The following PCDH15 variants were observed in gnomAD, a reference collection of about 807,000 sequenced individuals.
The protein encoded by PCDH15 is protocadherin related 15.
In PCDH15, 129 loss-of-function variants were observed where a neutral mutation model predicts 178.5. The ratio of observed to expected loss-of-function variants is 0.72; its 90% CI spans 0.63 to 0.84. The LOEUF is 0.84. PCDH15 is among the 40% of genes least tolerant of loss of function. PCDH15 has a pLI of 0.00. For synonymous variants in PCDH15, 800 were observed against 732.0 expected (o/e 1.09, Z -1.50); for missense variants, 2,230 against 2,099.9 (o/e 1.06, Z -1.21).
intron 3 of PCDH15, among the ~76,000 whole-genome samples, chr10:54,435,969 T>TA (rs1223886696): frequency 1.3e-4 from 18 of 142,538 alleles, no homozygotes; most frequent in African/African-American, 3.4e-4. Context: ...GACTCCATCT[T>TA]AAAAAAATGA....
intron 2 of PCDH15, among the ~76,000 whole-genome samples, chr10:55,614,072 C>T (rs1351342694): frequency 6.6e-6 from 1 of 151,272 alleles, no homozygotes; most frequent in Non-Finnish European, 1.5e-5. Flanking sequence ...TGAGATCGTG[C>T]CACTGCAATC....
intron 15 of PCDH15, among the ~76,000 whole-genome samples, chr10:54,125,233 T>A (rs1159967773): frequency 6.6e-6 from 1 of 152,116 alleles, no homozygotes; most frequent in Non-Finnish European, 1.5e-5. Flanking sequence ...TTTCTCCTGC[T>A]ATTTGTCTCT....
At chr10:54,455,536 G>A (rs9415336) in intron 3 of PCDH15, among the ~76,000 whole-genome samples, 140 of 152,180 alleles carry the variant, frequency 9.2e-4, no homozygotes, top group African/African-American at 3.2e-3. Context: ...ATTTTGCCCC[G>A]CAGAACTTTG....
At chr10:55,623,890 G>A (rs1837464682) in intron 2 of PCDH15, among the ~76,000 whole-genome samples, 1 of 151,990 alleles carries the variant, frequency 6.6e-6, no homozygotes, top group Non-Finnish European at 1.5e-5. Context: ...GATGGCTCAA[G>A]GGTAAAATTA....
chr10:55,315,148 T>C (rs1470799139), intron 1 of PCDH15, among the ~76,000 whole-genome samples: 1 of 152,122 alleles, frequency 6.6e-6, no homozygotes, highest in African/African-American at 2.4e-5. Context: ...TTACTGTACT[T>C]TCTTTCTATA....
Position 54,089,939 on chromosome 10 carries a change from C to A in PCDH15, c.1997+45G>T, listed in dbSNP as rs370007431. 4 of 1,419,180 alleles carry A rather than the reference C, an allele frequency of 2.8e-6. No homozygotes were observed. The African/African-American group carries it at 4.2e-5, about 15-fold the overall frequency. The allele number at this position is 1,419,180 out of a possible 1,614,324, so 87.9% of individuals were successfully genotyped here. A position where few individuals can be genotyped will look rare whatever the true frequency, so the allele number is the denominator to read the frequency against. On this transcript the variant is annotated intron_variant, in intron 16 of 37. Coordinates refer to ENST00000644397, the MANE Select transcript of PCDH15 (RefSeq NM_001384140.1). Reference sequence around the variant, plus strand: ...GAAGTCTGCTTTCTTACTAACAGTACGTTGCTGTACATTTTTTTAAAGTAG... The same window carrying A: ...GAAGTCTGCTTTCTTACTAACAGTAAGTTGCTGTACATTTTTTTAAAGTAG...
chr10:54,317,290 A>G lies in PCDH15; in HGVS notation c.857T>C (p.Ile286Thr). The G allele has an allele frequency of 1.2e-6, 2 of 1,613,854 alleles. No homozygotes were observed. The highest frequency in any genetic ancestry group is 1.1e-5 in the South Asian group (1 of 91,082). ...ATTTACCGGAGTTCTCAACTCAGGTATGGCAGCTTGATAAGTGAGTGGACG... is the reference window on the plus strand; with the variant it reads ...ATTTACCGGAGTTCTCAACTCAGGTGTGGCAGCTTGATAAGTGAGTGGACG... ...DCRPLTYQAAIPELRTPEELN... is the reference protein window; with the variant it reads ...DCRPLTYQAATPELRTPEELN... The change falls in exon 8 of 38, where the codon ATA (isoleucine) becomes ACA (threonine). Residue 286 changes from isoleucine to threonine, a missense_variant. Ile to Thr is a moderately conservative substitution (Grantham distance 89, BLOSUM62 -1). Coordinates refer to ENST00000644397, the MANE Select transcript of PCDH15 (RefSeq NM_001384140.1).
intron 3 of PCDH15, among the ~76,000 whole-genome samples, chr10:54,816,802 A>C (rs183779200): frequency 2.6e-5 from 4 of 152,152 alleles, no homozygotes; most frequent in Admixed American, 2.6e-4. Flanking sequence ...TTACAGGATG[A>C]ATTCTTAAGT....
intron 14 of PCDH15, among the ~76,000 whole-genome samples, chr10:54,134,105 A>G (rs1190052704): frequency 7.4e-6 from 1 of 134,756 alleles, no homozygotes; most frequent in Non-Finnish European, 1.6e-5. Context: ...GTGCAGTGGC[A>G]TGATCTTTGC....
At chr10:55,136,179 G>A (rs1838193561) in intron 2 of PCDH15, among the ~76,000 whole-genome samples, 1 of 152,042 alleles carries the variant, frequency 6.6e-6, no homozygotes. Context: ...AATTATTCTA[G>A]TATGGTAAAG....
chr10:54,062,252 A>AAAAAAAAAAAAAAAAAAAAAT (rs2094040900), intron 18 of PCDH15, among the ~76,000 whole-genome samples: 1 of 72,222 alleles, frequency 1.4e-5, no homozygotes, highest in Non-Finnish European at 3.0e-5. Context: ...AAAAAAAAAA[A>AAAAAAAAAAAAAAAAAAAAAT]CAAAAAACAA....
At chr10:54,199,794 G>T (rs749301015) in intron 10 of PCDH15, among the ~76,000 whole-genome samples, 18 of 151,880 alleles carry the variant, frequency 1.2e-4, no homozygotes, top group Non-Finnish European at 2.1e-4. Flanking sequence ...CTTTCATAAG[G>T]TAACCTTATT....
chr10:54,740,591 C>G (rs967578696), intron 1 of PCDH15, among the ~76,000 whole-genome samples: 2 of 151,904 alleles, frequency 1.3e-5, no homozygotes, highest in African/African-American at 4.8e-5. Context: ...AATTGTACTA[C>G]TATTCACAAC....
chr10:54,166,374 G>A (rs977028062), intron 13 of PCDH15, among the ~76,000 whole-genome samples: 4 of 152,144 alleles, frequency 2.6e-5, no homozygotes, highest in African/African-American at 7.2e-5. Context: ...CTCGTTCTAC[G>A]TATTTTTCAG....
intron 8 of PCDH15, among the ~76,000 whole-genome samples, chr10:54,300,777 T>A (rs532990581): frequency 6.6e-6 from 1 of 152,260 alleles, no homozygotes; most frequent in East Asian, 1.9e-4. Context: ...CAATCAGCAC[T>A]CTGTGTCTAG....
intron 17 of PCDH15, among the ~76,000 whole-genome samples, chr10:54,069,027 C>A (rs540444321): frequency 3.3e-5 from 5 of 152,264 alleles, no homozygotes; most frequent in Admixed American, 3.3e-4. Flanking sequence ...CAAAAGGCTA[C>A]CATGCTTTCA....
chr10:54,666,830 T>C (rs929400520), intron 1 of PCDH15, among the ~76,000 whole-genome samples: 2 of 152,050 alleles, frequency 1.3e-5, no homozygotes, highest in African/African-American at 4.8e-5. Flanking sequence ...TCCTTTATAG[T>C]AGTTTATAGT....
At chr10:55,582,628 A>ATATATATTT (rs780312007) in intron 2 of PCDH15, among the ~76,000 whole-genome samples, 10 of 69,038 alleles carry the variant, frequency 1.4e-4, no homozygotes, top group African/African-American at 6.0e-4. Flanking sequence ...ATATATATAT[A>ATATATATTT]TTTTTTTTTT....
chr10:53,932,316 G>T (rs948303344), intron 25 of PCDH15, among the ~76,000 whole-genome samples: 5 of 152,166 alleles, frequency 3.3e-5, no homozygotes, highest in African/African-American at 1.2e-4. Flanking sequence ...GTTGGTTTGG[G>T]TATAATTATG....
Sources: gnomAD v4.1 joint callset for allele counts (sites outside exome capture counted in the v4.1 genomes callset) on GRCh38, gnomAD v4.1.1 for gene constraint, MANE v1.5 for transcripts, NCBI Gene and HGNC (gene_info 2026-07-23, HGNC 2026-07-21) for gene names.